The following LOC122539214 variants were observed in gnomAD, a reference collection of about 807,000 sequenced individuals.
chr19:52,680,347 C>A, the LOC122539214 span, among the ~76,000 whole-genome samples: 7 of 152,134 alleles, frequency 4.6e-5, no homozygotes, highest in Non-Finnish European at 7.3e-5. Flanking sequence ...CTGTATAAAG[C>A]CCTCTGCGCA....
the LOC122539214 span, among the ~76,000 whole-genome samples, chr19:52,690,072 G>A: frequency 3.3e-5 from 5 of 152,080 alleles, no homozygotes; most frequent in Non-Finnish European, 5.9e-5. Flanking sequence ...GCGGCGCTGC[G>A]CTTCAGAGGC....
chr19:52,664,231 C>G, the LOC122539214 span, among the ~76,000 whole-genome samples: 25 of 149,870 alleles, frequency 1.7e-4, no homozygotes, highest in East Asian at 3.8e-3. Context: ...TGTGGTGGCT[C>G]ATGCCTGTAA....
At chr19:52,668,444 T>C in the LOC122539214 span, among the ~76,000 whole-genome samples, 16 of 152,274 alleles carry the variant, frequency 1.1e-4, no homozygotes, top group East Asian at 3.1e-3. Context: ...TTCCTACCAC[T>C]AGCAACTCTA....
At chr19:52,665,229 G>A in the LOC122539214 span, among the ~76,000 whole-genome samples, 11 of 152,052 alleles carry the variant, frequency 7.2e-5, no homozygotes, top group African/African-American at 2.4e-4. Context: ...TCAGGCCAGG[G>A]AGGAGTGAGG....
the LOC122539214 span, among the ~76,000 whole-genome samples, chr19:52,656,166 T>G: frequency 7.9e-5 from 12 of 152,042 alleles, no homozygotes; most frequent in East Asian, 2.3e-3. Context: ...TGAGCTGAGA[T>G]TGTGCCACTG....
chr19:52,669,721 T>G, the LOC122539214 span, among the ~76,000 whole-genome samples: 1 of 152,162 alleles, frequency 6.6e-6, no homozygotes, highest in Admixed American at 6.5e-5. Flanking sequence ...AAAAGAATAG[T>G]AGCCTCAATT....
chr19:52,690,447 G>C, the LOC122539214 span: 1 of 186,260 alleles, frequency 5.4e-6, no homozygotes, highest in African/African-American at 2.4e-5. Flanking sequence ...ACTCACCGCC[G>C]CGGTGTGACC....
chr19:52,665,279 G>A, the LOC122539214 span, among the ~76,000 whole-genome samples: 3 of 152,100 alleles, frequency 2.0e-5, no homozygotes, highest in Non-Finnish European at 4.4e-5. Context: ...ATGTGGGTGG[G>A]GTGGTGGGAG....
the LOC122539214 span, among the ~76,000 whole-genome samples, chr19:52,663,554 G>A: frequency 1.3e-5 from 2 of 152,184 alleles, no homozygotes; most frequent in Non-Finnish European, 2.9e-5. Context: ...AGAAAATGGA[G>A]TAATAGGCTA....
chr19:52,687,651 AT>A, the LOC122539214 span, among the ~76,000 whole-genome samples: 2 of 36,758 alleles, frequency 5.4e-5, no homozygotes, highest in African/African-American at 6.6e-4. Context: ...ATATATATAT[AT>A]ATATAATGTA....
chr19:52,681,280 C>CCAAAAAAAAAAAA, the LOC122539214 span, among the ~76,000 whole-genome samples: 1 of 75,440 alleles, frequency 1.3e-5, no homozygotes, highest in Non-Finnish European at 2.5e-5. Context: ...GAGACTTTCT[C>CCAAAAAAAAAAAA]AAAAAAAAAA....
the LOC122539214 span, among the ~76,000 whole-genome samples, chr19:52,670,058 C>A: frequency 6.6e-6 from 1 of 152,190 alleles, no homozygotes; most frequent in Non-Finnish European, 1.5e-5. Flanking sequence ...TTAAACTTAA[C>A]TTCCTCATAA....
At chr19:52,686,607 TATGCC>T in the LOC122539214 span, among the ~76,000 whole-genome samples, 1 of 152,086 alleles carries the variant, frequency 6.6e-6, no homozygotes, top group East Asian at 1.9e-4. Flanking sequence ...GGAGACTCGC[TATGCC>T]ACCCAGGCTG....
the LOC122539214 span, among the ~76,000 whole-genome samples, chr19:52,657,987 T>C: frequency 7.4e-4 from 112 of 151,672 alleles, no homozygotes; most frequent in African/African-American, 2.6e-3. Context: ...AAATACAAAA[T>C]TAGCCGGGTA....
chr19:52,660,145 G>A, the LOC122539214 span, among the ~76,000 whole-genome samples: 1 of 148,842 alleles, frequency 6.7e-6, no homozygotes, highest in African/African-American at 2.5e-5. Context: ...ATGGTGGTAA[G>A]ACCACAGTAG....
chr19:52,685,405 T>C, the LOC122539214 span, among the ~76,000 whole-genome samples: 1 of 152,102 alleles, frequency 6.6e-6, no homozygotes, highest in Admixed American at 6.6e-5. Flanking sequence ...TACAGAAGCA[T>C]CTTTCAAATA....
At chr19:52,683,010 AT>A in the LOC122539214 span, among the ~76,000 whole-genome samples, 2 of 152,132 alleles carry the variant, frequency 1.3e-5, no homozygotes, top group Non-Finnish European at 2.9e-5. Flanking sequence ...AGCTGAGATT[AT>A]AGGCATGTGC....
the LOC122539214 span, among the ~76,000 whole-genome samples, chr19:52,687,352 G>T: frequency 0.014 from 1,375 of 100,638 alleles, 152 homozygotes; most frequent in African/African-American, 0.064. Flanking sequence ...AATTTATATA[G>T]CTATATAAAT....
At chr19:52,680,896 G>T in the LOC122539214 span, among the ~76,000 whole-genome samples, 1 of 151,792 alleles carries the variant, frequency 6.6e-6, no homozygotes, top group Non-Finnish European at 1.5e-5. Flanking sequence ...ACAGGCGTGA[G>T]CCACCGCGCC....
Sources: gnomAD v4.1 joint callset for allele counts (sites outside exome capture counted in the v4.1 genomes callset) on GRCh38, gnomAD v4.1.1 for gene constraint, MANE v1.5 for transcripts.